LMO1: variants seen among roughly 807,000 people sequenced by gnomAD.
LMO1 encodes the protein rhombotin-1.
A neutral mutation model predicts 18.0 loss-of-function variants in LMO1; 10 were observed. That is an observed-to-expected ratio of 0.55 (90% CI 0.34 to 0.94). The LOEUF is 0.94. Ranked by LOEUF, LMO1 falls within the 40% of genes least tolerant of loss-of-function variation. The pLI is 0.02. For missense variants in LMO1, 183 were observed against 205.7 expected, an observed-to-expected ratio of 0.89 and a Z score of 0.68; for synonymous variants, 77 against 77.9, an observed-to-expected ratio of 0.99 and a Z score of 0.06.
At chr11:8,258,402 T>C (rs1847133169) in intron 1 of LMO1, among the ~76,000 whole-genome samples, 1 of 152,110 alleles carries the variant, frequency 6.6e-6, no homozygotes, top group Non-Finnish European at 1.5e-5. Flanking sequence ...AGCTGCACCA[T>C]CACGGCTCTG....
chr11:8,224,819 T>G, intron 3 of LMO1, 98 bp from the exon 4 acceptor site: 4 of 740,498 alleles, frequency 5.4e-6, no homozygotes, highest in Non-Finnish European at 4.7e-6. Context: ...AGGTGAGCTA[T>G]GTGGGAGGTG....
At chr11:8,230,760 C>T (rs767132402) in intron 1 of LMO1, among the ~76,000 whole-genome samples, 1 of 152,238 alleles carries the variant, frequency 6.6e-6, no homozygotes, top group African/African-American at 2.4e-5. Context: ...AAGGCACACA[C>T]AGACCCCAGG....
rs1409838026 is a variant in LMO1 at position 8,224,671 on chromosome 11, T to G, written c.416A>C (p.Gln139Pro). ...FFLKNNMILCQMDYEEGQLNG... is the reference protein window; with the variant it reads ...FFLKNNMILCPMDYEEGQLNG... ...GAGCTGCCCTTCCTCATAGTCCATC[T>G]GACACAAGATCATGTTGTTCTTCAG... The change falls in exon 4 of 4, where the codon CAG (glutamine) becomes CCG (proline). Residue 139 changes from glutamine to proline, a missense_variant. Physicochemically the swap from Gln to Pro is moderately conservative, Grantham distance 76. Transcript: ENST00000335790. 2 of 1,611,282 alleles carry G rather than the reference T, an allele frequency of 1.2e-6. No homozygotes were observed. The highest frequency in any genetic ancestry group is 1.3e-5 in the African/African-American group (1 of 74,914).
At chr11:8,261,530 G>A (rs925767882) in intron 1 of LMO1, among the ~76,000 whole-genome samples, 7 of 152,322 alleles carry the variant, frequency 4.6e-5, no homozygotes, top group South Asian at 2.1e-4. Flanking sequence ...GGCCTCTCAC[G>A]TACAGAGCCC....
chr11:8,224,817 T>G, intron 3 of LMO1, 96 bp from the exon 4 acceptor site: 5 of 732,222 alleles, frequency 6.8e-6, no homozygotes, highest in African/African-American at 3.5e-5. Flanking sequence ...TGAGGTGAGC[T>G]ATGTGGGAGG....
chr11:8,243,372 G>C (rs1016192051), intron 1 of LMO1, among the ~76,000 whole-genome samples: 2 of 152,206 alleles, frequency 1.3e-5, no homozygotes, highest in African/African-American at 4.8e-5. Flanking sequence ...TTTGGGATCT[G>C]TATCCTAAAC....
chr11:8,251,978 G>A (rs538659767), intron 1 of LMO1, among the ~76,000 whole-genome samples: 29 of 99,982 alleles, frequency 2.9e-4, no homozygotes, highest in African/African-American at 8.7e-4. Flanking sequence ...GGGGGTGTGC[G>A]TGTGTGGGGG....
intron 1 of LMO1, among the ~76,000 whole-genome samples, chr11:8,237,071 T>G (rs868134202): frequency 6.6e-6 from 1 of 151,962 alleles, no homozygotes; most frequent in African/African-American, 2.4e-5. Flanking sequence ...AACCCTCTAG[T>G]GTTACCCTCA....
intron 1 of LMO1, among the ~76,000 whole-genome samples, chr11:8,261,094 T>C (rs1847179095): frequency 6.6e-6 from 1 of 152,120 alleles, no homozygotes; most frequent in Non-Finnish European, 1.5e-5. Context: ...TGCAGATGCA[T>C]GAGCAGAAAC....
chr11:8,242,492 C>G (rs1027393679), intron 1 of LMO1, among the ~76,000 whole-genome samples: 2 of 152,182 alleles, frequency 1.3e-5, no homozygotes, highest in African/African-American at 4.8e-5. Flanking sequence ...GGAAGCGACC[C>G]CTGGAGTTTG....
intron 2 of LMO1, among the ~76,000 whole-genome samples, chr11:8,229,470 C>T (rs1395032796): frequency 6.6e-6 from 1 of 152,224 alleles, no homozygotes; most frequent in Admixed American, 6.5e-5. Flanking sequence ...GCCCGGCAAC[C>T]ATCCAGCAGC....
intron 2 of LMO1, 54 bp downstream of exon 2, chr11:8,230,236 TG>T: frequency 6.6e-7 from 1 of 1,518,336 alleles, no homozygotes; most frequent in Non-Finnish European, 9.1e-7. Context: ...GGGCTGAGGA[TG>T]GGGAGCTTTC....
intron 1 of LMO1, among the ~76,000 whole-genome samples, chr11:8,257,645 G>T (rs1222018858): frequency 1.3e-5 from 2 of 152,216 alleles, no homozygotes; most frequent in African/African-American, 2.4e-5. Context: ...CAGCCCTTTT[G>T]CCCTGTTTAA....
rs371340332 is a variant in LMO1 at position 8,227,168 on chromosome 11, T to A, written c.240-68A>T. ...AGCTGGGTGGGCAGGGGGAAAGGAG[T>A]TGCCTCCATCCAGGGTCCTTCCCAT... On this transcript the variant is annotated intron_variant, in intron 2 of 3. Coordinates refer to ENST00000335790, the MANE Select transcript of LMO1 (RefSeq NM_002315.3). 31 of 1,566,178 alleles carry A rather than the reference T, an allele frequency of 2.0e-5. 1 individual carries two copies. The highest frequency in any genetic ancestry group is 1.4e-4 in the East Asian group (6 of 44,172).
chr11:8,232,557 C>G (rs1952685604), intron 1 of LMO1, among the ~76,000 whole-genome samples: 2 of 152,178 alleles, frequency 1.3e-5, no homozygotes, highest in Admixed American at 1.3e-4. Flanking sequence ...AGGCCCTGTG[C>G]AGGGAGCATG....
At chr11:8,256,177 T>C (rs975748751) in intron 1 of LMO1, among the ~76,000 whole-genome samples, 6 of 152,358 alleles carry the variant, frequency 3.9e-5, no homozygotes, top group African/African-American at 1.2e-4. Context: ...TAGTGTTTTA[T>C]GACTCCTAAA....
chr11:8,228,136 C>G (rs1270566118), intron 2 of LMO1, among the ~76,000 whole-genome samples: 3 of 152,254 alleles, frequency 2.0e-5, no homozygotes, highest in African/African-American at 7.2e-5. Context: ...AAAGGAAGCG[C>G]CAAGGACATC....
chr11:8,249,380 C>T (rs1306894377), intron 1 of LMO1, among the ~76,000 whole-genome samples: 1 of 152,184 alleles, frequency 6.6e-6, no homozygotes, highest in Non-Finnish European at 1.5e-5. Context: ...CTTTCTCTGC[C>T]TCTAGTTTTA....
intron 2 of LMO1, among the ~76,000 whole-genome samples, chr11:8,229,748 G>A (rs180962580): frequency 1.8e-4 from 28 of 152,364 alleles, no homozygotes; most frequent in African/African-American, 6.7e-4. Context: ...TTCCAACCCA[G>A]GTCTTGAAGC....
Sources: gnomAD v4.1 joint callset for allele counts (sites outside exome capture counted in the v4.1 genomes callset) on GRCh38, gnomAD v4.1.1 for gene constraint, MANE v1.5 for transcripts, NCBI Gene and HGNC (gene_info 2026-07-23, HGNC 2026-07-21) for gene names.